Variants in METTL21A observed in about 807,000 individuals in gnomAD.
METTL21A encodes methyltransferase 21A, HSPA lysine.
Under a neutral mutation model 20.9 loss-of-function variants are expected in METTL21A, and 22 were observed. The ratio of observed to expected loss-of-function variants is 1.05; its 90% CI spans 0.75 to 1.50. The LOEUF (loss-of-function observed/expected upper bound fraction) is 1.50. METTL21A is among the 40% of genes most tolerant of loss of function. The pLI is 0.00. For missense variants in METTL21A, 271 were observed against 266.8 expected (o/e 1.02, Z -0.11); for synonymous variants, 93 against 102.0 (o/e 0.91, Z 0.53).
chr2:207,599,322 TTTA>T (rs1240186166), intron 3 of METTL21A: 4 of 207,540 alleles, frequency 1.9e-5, no homozygotes, highest in Non-Finnish European at 3.9e-5. Flanking sequence ...GTTGGAATTA[TTTA>T]TTGAGTCAAA....
At chr2:207,593,392 T>C (rs2085459046) in intron 3 of METTL21A, among the ~76,000 whole-genome samples, 1 of 152,124 alleles carries the variant, frequency 6.6e-6, no homozygotes, top group Non-Finnish European at 1.5e-5. Context: ...TAGCTGGGCA[T>C]GGTGGTGCAT....
downstream of METTL21A, among the ~76,000 whole-genome samples, chr2:207,604,760 C>T (rs2087791599): frequency 6.6e-6 from 1 of 152,196 alleles, no homozygotes; most frequent in South Asian, 2.1e-4. Flanking sequence ...CCGCCCTTGT[C>T]CCTGGCAACC....
At chr2:207,600,625 T>C (rs541832773) in intron 3 of METTL21A, 2 of 212,216 alleles carry the variant, frequency 9.4e-6, no homozygotes, top group African/African-American at 4.5e-5. Context: ...AAAATCATCC[T>C]GGGGGAGGAA....
At chr2:207,606,278 C>T (rs964466160), downstream of METTL21A, among the ~76,000 whole-genome samples, 8 of 152,166 alleles carry the variant, frequency 5.3e-5, no homozygotes, top group South Asian at 1.7e-3. Flanking sequence ...GTCAGGAGTT[C>T]GAGACCAGCC....
chr2:207,582,929 A>G (rs910124365), intron 3 of METTL21A: 5 of 245,736 alleles, frequency 2.0e-5, no homozygotes, highest in Admixed American at 1.3e-4. Flanking sequence ...ATATATATAT[A>G]TACATACACA....
At chr2:207,597,906 G>A (rs1346383420) in intron 3 of METTL21A, 1 of 186,576 alleles carries the variant, frequency 5.4e-6, no homozygotes, top group Non-Finnish European at 1.1e-5. Context: ...CCAATCCCTT[G>A]AGTTATATAA....
intron 2 of METTL21A, among the ~76,000 whole-genome samples, chr2:207,623,123 C>T (rs1280824749): frequency 3.3e-5 from 5 of 152,052 alleles, no homozygotes; most frequent in East Asian, 3.9e-4. Context: ...AGGCTGGTTT[C>T]GAACTCTTGA....
rs557019033 is a variant in METTL21A, at chr2:207,596,692, G to A, written c.260-14532C>T. Among the ~76,000 whole-genome samples the A allele has an allele frequency of 1.9e-3, 283 of 152,244 alleles. 6 individuals are homozygous for A. The highest frequency in any genetic ancestry group is 0.015 in the Admixed American group (230 of 15,294). ...AGGTGATCTCCCTGCCTTGGCCCCC[G>A]AAAGTGCTGGGATTACAGGCGTGAG... On this transcript the variant is annotated intron_variant, in intron 3 of 3. Coordinates refer to the METTL21A transcript ENST00000425132.
At chr2:207,597,187 C>T in intron 3 of METTL21A, 1 of 975,054 alleles carries the variant, frequency 1.0e-6, no homozygotes, top group Non-Finnish European at 1.4e-6. Flanking sequence ...CTGAAAGCAA[C>T]TACAGAATTT....
chr2:207,599,767 T>C (rs906880242), intron 3 of METTL21A: 1 of 196,122 alleles, frequency 5.1e-6, no homozygotes, highest in East Asian at 8.0e-5. Context: ...ATTAAGAAAA[T>C]GACATAATTT....
intron 3 of METTL21A, chr2:207,602,038 A>T (rs978292093): frequency 2.0e-4 from 41 of 205,028 alleles, no homozygotes; most frequent in Admixed American, 1.0e-3. Context: ...AGTATGGAAA[A>T]TTTTCAAATA....
Position 207,590,353 on chromosome 2 carries a change from C to CT in METTL21A, c.260-8194dup, listed in dbSNP as rs899043082. Among the ~76,000 whole-genome samples the CT allele has an allele frequency of 2.1e-4, 32 of 150,066 alleles. No homozygotes were observed. The East Asian group carries it at 3.7e-3, about 17-fold the overall frequency. On this transcript the variant is annotated intron_variant, in intron 3 of 3. Transcript: ENST00000425132. ...CGCCACCCCTACCCCAGCCACCCTC[C>CT]TTTTTTTTTAAGTCTGGCTAAAGGT...
intron 2 of METTL21A, among the ~76,000 whole-genome samples, chr2:207,622,460 T>C (rs1386349042): frequency 6.6e-6 from 1 of 152,190 alleles, no homozygotes; most frequent in Non-Finnish European, 1.5e-5. Context: ...ACACCCAGCC[T>C]GGAAAGCTTA....
downstream of METTL21A, among the ~76,000 whole-genome samples, chr2:207,607,815 T>TA (rs2088365807): frequency 6.6e-6 from 1 of 151,414 alleles, no homozygotes; most frequent in Admixed American, 6.6e-5. Context: ...CAAGACTTAG[T>TA]AAAATAGGTT....
chr2:207,624,404 C>A, exon 2 of METTL21A: 1 of 1,599,872 alleles, frequency 6.3e-7, no homozygotes, highest in Non-Finnish European at 8.5e-7. Flanking sequence ...TCTGCTCAGA[C>A]CTGCCGTGCA....
Position 207,593,922 on chromosome 2 carries a change from T to C in METTL21A, c.260-11762A>G, listed in dbSNP as rs2085590923. Among the ~76,000 whole-genome samples the C allele has an allele frequency of 2.0e-5, 3 of 152,176 alleles. No individual in the cohort carries two copies. The South Asian group carries it at 6.2e-4, about 32-fold the overall frequency. ...TTAGTAGAGACAGAGTTTCGCCATG[T>C]TGGCCAGGCTGGTCTCAAACTCCTG... On this transcript the variant is annotated intron_variant, in intron 3 of 3. Coordinates refer to the METTL21A transcript ENST00000425132.
At chr2:207,605,038 G>A (rs1184166493), downstream of METTL21A, among the ~76,000 whole-genome samples, 1 of 152,120 alleles carries the variant, frequency 6.6e-6, no homozygotes, top group Non-Finnish European at 1.5e-5. Context: ...ATGAATGTTC[G>A]TGTACAAGTA....
At chr2:207,580,638 C>T (rs2082851134), downstream of METTL21A, 1 of 219,388 alleles carries the variant, frequency 4.6e-6, no homozygotes, top group Non-Finnish European at 9.1e-6. Flanking sequence ...AAATTCATCA[C>T]TATCCAAATT....
chr2:207,591,877 A>T (rs753039655), intron 3 of METTL21A, among the ~76,000 whole-genome samples: 1 of 152,216 alleles, frequency 6.6e-6, no homozygotes, highest in Non-Finnish European at 1.5e-5. Flanking sequence ...GGTTTAGATC[A>T]GGGATTGGCA....
Sources: gnomAD v4.1 joint callset for allele counts (sites outside exome capture counted in the v4.1 genomes callset) on GRCh38, gnomAD v4.1.1 for gene constraint, MANE v1.5 for transcripts, NCBI Gene and HGNC (gene_info 2026-07-23, HGNC 2026-07-21) for gene names.